Variants in MEGF11 observed in about 807,000 individuals in gnomAD.
MEGF11 encodes the protein multiple epidermal growth factor-like domains protein 11.
MEGF11 carries 126 observed loss-of-function variants against 146.6 expected under a neutral mutation model. The ratio of observed to expected loss-of-function variants is 0.86; its 90% CI spans 0.74 to 1.00. The LOEUF is 1.00. Ranked by LOEUF, MEGF11 falls within the 50% of genes least tolerant of loss-of-function variation. The pLI is 0.00. For synonymous variants in MEGF11, 532 were observed against 583.4 expected (o/e 0.91, Z 1.27); for missense variants, 1,509 against 1,521.2 (o/e 0.99, Z 0.13).
At chr15:66,046,441 G>A (rs1467840256) in intron 5 of MEGF11, among the ~76,000 whole-genome samples, 1 of 152,224 alleles carries the variant, frequency 6.6e-6, no homozygotes. Flanking sequence ...GGGACGTGGT[G>A]GTCAGGCTTT....
intron 1 of MEGF11, among the ~76,000 whole-genome samples, chr15:66,144,947 A>G (rs1001187953): frequency 6.6e-6 from 1 of 152,214 alleles, no homozygotes; most frequent in Non-Finnish European, 1.5e-5. Context: ...CATAGAGCTT[A>G]TCCACTGTAA....
chr15:66,197,853 C>A lies in MEGF11; in HGVS notation c.-9+55752G>T, dbSNP rs2091048603. ...CCAATAAGGACCTCTTTAACGAATT[C>A]TCCTGAGCCACCCCCCGCCTTAACA... is the stretch of plus-strand genomic sequence containing the variant. On this transcript the variant is annotated intron_variant, in intron 1 of 25. Coordinates refer to ENST00000395614, the MANE Select transcript of MEGF11 (RefSeq NM_001385028.1). Among the ~76,000 whole-genome samples, 3 of 152,212 alleles carry A rather than the reference C, an allele frequency of 2.0e-5. No individual in the cohort carries two copies. In the South Asian group the frequency reaches 6.2e-4, roughly 32 times the overall value.
intron 5 of MEGF11, among the ~76,000 whole-genome samples, chr15:66,050,437 G>A (rs1029825370): frequency 6.6e-6 from 1 of 152,220 alleles, no homozygotes; most frequent in Admixed American, 6.5e-5. Flanking sequence ...GCCATGTGGA[G>A]GCAGAGGAAA....
rs191594685 is a variant in MEGF11, at chr15:66,059,569, C to G, written c.394+34833G>C. On this transcript the variant is annotated intron_variant, in intron 5 of 25. Transcript: ENST00000395614. ...CTTTTGACTCAGCAAAACTCCCAGC[C>G]CTCCCGCCCCTGCCCAGTCCCAGAG... is the stretch of plus-strand genomic sequence containing the variant. Among the ~76,000 whole-genome samples, 17 of 152,182 alleles carry G rather than the reference C, an allele frequency of 1.1e-4. No homozygotes were observed. In the East Asian group the frequency reaches 3.3e-3, roughly 29 times the overall value.
At chr15:66,216,653 T>G (rs1172425532) in intron 1 of MEGF11, among the ~76,000 whole-genome samples, 1 of 152,170 alleles carries the variant, frequency 6.6e-6, no homozygotes. Flanking sequence ...CAGACCCTGG[T>G]CCAACCTGGA....
chr15:66,210,327 G>A (rs115559669), intron 1 of MEGF11, among the ~76,000 whole-genome samples: 3,515 of 152,262 alleles, frequency 0.023, 132 homozygotes, highest in African/African-American at 0.078. Flanking sequence ...GTGTCCAGTG[G>A]CAGGGTCAGC....
At chr15:66,139,540 T>G (rs915405949) in intron 1 of MEGF11, among the ~76,000 whole-genome samples, 1 of 151,198 alleles carries the variant, frequency 6.6e-6, no homozygotes, top group Non-Finnish European at 1.5e-5. Context: ...TGAAAAGAAA[T>G]GCCCTGGCAT....
At chr15:66,107,054 A>ACCAC (rs1555471315) in intron 4 of MEGF11, among the ~76,000 whole-genome samples, 28 of 132,436 alleles carry the variant, frequency 2.1e-4, no homozygotes, top group African/African-American at 7.0e-4. Flanking sequence ...TTATATTCCT[A>ACCAC]CCCCCCCACC....
In MEGF11 at chr15:66,167,053, C is replaced by T. The variant is rs140364216; in HGVS notation, c.-8-38642G>A. On this transcript the variant is annotated intron_variant, in intron 1 of 25. Coordinates refer to ENST00000395614, the MANE Select transcript of MEGF11 (RefSeq NM_001385028.1). ...TTGATGCAGAGTTCCAAGGGGCATC[C>T]TCTCTCCTCACCTGAACGCTGACTT... 1.5e-3 allele frequency among the ~76,000 whole-genome samples: 231 copies of T among 152,164 alleles called. 1 individual carries two copies. Among genetic ancestry groups the T allele is most frequent in the African/African-American group, 5.0e-3 (207 of 41,522 alleles).
chr15:66,151,703 C>A (rs2141039082), intron 1 of MEGF11, among the ~76,000 whole-genome samples: 1 of 152,320 alleles, frequency 6.6e-6, no homozygotes, highest in South Asian at 2.1e-4. Context: ...TTCCAGCAGA[C>A]AAGAGCTCCC....
At chr15:65,929,301 T>A (rs1275746566) in intron 12 of MEGF11, among the ~76,000 whole-genome samples, 1 of 152,202 alleles carries the variant, frequency 6.6e-6, no homozygotes, top group Non-Finnish European at 1.5e-5. Context: ...CACCACACAC[T>A]CTGATCATAA....
chr15:66,117,107 T>C (rs918830782), intron 4 of MEGF11, among the ~76,000 whole-genome samples: 5 of 152,150 alleles, frequency 3.3e-5, no homozygotes, highest in African/African-American at 9.7e-5. Flanking sequence ...GATCAGCGTA[T>C]GTAAAGTGAT....
intron 5 of MEGF11, among the ~76,000 whole-genome samples, chr15:66,012,874 T>C (rs899779825): frequency 6.6e-6 from 1 of 152,222 alleles, no homozygotes; most frequent in African/African-American, 2.4e-5. Context: ...GGGCCAGTGA[T>C]GATGATGGGC....
At chr15:66,135,501 C>T (rs1466064386) in intron 1 of MEGF11, among the ~76,000 whole-genome samples, 1 of 152,134 alleles carries the variant, frequency 6.6e-6, no homozygotes, top group Non-Finnish European at 1.5e-5. Flanking sequence ...GGTAGTAGAC[C>T]CAGGATGTGG....
intron 5 of MEGF11, among the ~76,000 whole-genome samples, chr15:66,029,444 G>GTCCC (rs1271304842): frequency 6.6e-6 from 1 of 152,206 alleles, no homozygotes; most frequent in Non-Finnish European, 1.5e-5. Flanking sequence ...GCCTGAGACA[G>GTCCC]TCCCAGTTTT....
intron 8 of MEGF11, 80 bp from the exon 9 acceptor site, chr15:65,965,200 T>C (rs2081024051): frequency 4.0e-6 from 5 of 1,236,656 alleles, no homozygotes; most frequent in Non-Finnish European, 5.6e-6. Flanking sequence ...GATGTGGTCC[T>C]CCTGGCCATC....
At chr15:66,138,354 A>G (rs1020812819) in intron 1 of MEGF11, among the ~76,000 whole-genome samples, 4 of 152,268 alleles carry the variant, frequency 2.6e-5, no homozygotes, top group African/African-American at 9.6e-5. Context: ...CTGTGATGGT[A>G]TACTCATGCT....
intron 5 of MEGF11, among the ~76,000 whole-genome samples, chr15:66,008,913 C>T (rs947427925): frequency 2.0e-5 from 3 of 152,136 alleles, no homozygotes; most frequent in African/African-American, 4.8e-5. Flanking sequence ...CATTCTGCCT[C>T]TATCTTACAA....
Position 66,090,420 on chromosome 15 carries a change from T to C in MEGF11, c.394+3982A>G, listed in dbSNP as rs75275837. 5.1e-3 allele frequency among the ~76,000 whole-genome samples: 773 copies of C among 152,326 alleles called. 9 individuals carry two copies. Among genetic ancestry groups the C allele is most frequent in the African/African-American group, 0.018 (735 of 41,558 alleles). ...AAAGTCCAAAACATGTTTTAAAAAA[T>C]TCAGCACCAAAATCCATTTAGAGGC... On this transcript the variant is annotated intron_variant, in intron 5 of 25. Coordinates refer to ENST00000395614, the MANE Select transcript of MEGF11 (RefSeq NM_001385028.1).
Sources: gnomAD v4.1 joint callset for allele counts (sites outside exome capture counted in the v4.1 genomes callset) on GRCh38, gnomAD v4.1.1 for gene constraint, MANE v1.5 for transcripts, NCBI Gene and HGNC (gene_info 2026-07-23, HGNC 2026-07-21) for gene names.